Variants in GREB1 observed in about 807,000 individuals in gnomAD.
The protein encoded by GREB1 is growth regulating estrogen receptor binding 1.
Under a neutral mutation model 200.7 loss-of-function variants are expected in GREB1, and 106 were observed. The ratio of observed to expected loss-of-function variants is 0.53; its 90% CI spans 0.45 to 0.62. The LOEUF (loss-of-function observed/expected upper bound fraction) is 0.62, where lower values mean the gene tolerates loss of function less well. GREB1 is among the 20% of genes least tolerant of loss of function. GREB1 has a pLI of 0.00. For missense variants in GREB1, 2,243 were observed against 2,556.8 expected (o/e 0.88, Z 2.65); for synonymous variants, 1,132 against 1,092.4 (o/e 1.04, Z -0.72).
chr2:11,603,819 A>C (rs1043918309), intron 17 of GREB1, among the ~76,000 whole-genome samples: 1 of 152,256 alleles, frequency 6.6e-6, no homozygotes, highest in African/African-American at 2.4e-5. Context: ...AGTATGTTGT[A>C]GACACTGGGC....
chr2:11,637,405 G>T (rs1473698271), intron 30 of GREB1, among the ~76,000 whole-genome samples: 3 of 152,112 alleles, frequency 2.0e-5, no homozygotes, highest in African/African-American at 7.2e-5. Flanking sequence ...ACTCCCAGAG[G>T]CTTGCATCCC....
intron 1 of GREB1, among the ~76,000 whole-genome samples, chr2:11,541,403 G>A (rs1258883592): frequency 1.3e-5 from 2 of 152,004 alleles, no homozygotes; most frequent in Admixed American, 6.6e-5. Flanking sequence ...CTGTGCACAG[G>A]CGGGTTCTGT....
intron 4 of GREB1, among the ~76,000 whole-genome samples, chr2:11,571,663 G>T (rs1233445102): frequency 6.6e-6 from 1 of 152,134 alleles, no homozygotes; most frequent in East Asian, 1.9e-4. Context: ...TCCTAACAGG[G>T]ACCATTTCTT....
rs11891574 is a variant in GREB1, at chr2:11,618,996, G to A, written c.4044+77G>A. 1.7e-3 allele frequency: 2,266 copies of A among 1,307,094 alleles called. 28 individuals carry two copies. The African/African-American group carries it at 0.03, about 17-fold the overall frequency. The allele number at this position is 1,307,094 out of a possible 1,614,324, so 81.0% of individuals were successfully genotyped here. A position where few individuals can be genotyped will look rare whatever the true frequency, so the allele number is the denominator to read the frequency against. ...ACTCCCATCTGGAGGGCAGGCCTGG[G>A]GGTGACCGCACCCACGTCTTCACTT... On this transcript the variant is annotated intron_variant, in intron 22 of 32. Transcript: ENST00000381486.
At chr2:11,489,277 C>A (rs1350954197) in intron 1 of GREB1, among the ~76,000 whole-genome samples, 2 of 152,134 alleles carry the variant, frequency 1.3e-5, no homozygotes, top group Non-Finnish European at 2.9e-5. Context: ...GAAACCCCGT[C>A]TCTACTGAAA....
intron 1 of GREB1, among the ~76,000 whole-genome samples, chr2:11,510,741 A>G (rs4669741): frequency 0.92 from 137,269 of 149,112 alleles, 63,982 homozygotes; most frequent in South Asian, 1. Context: ...CCAGGCTGGA[A>G]TGCAGTGGTG....
Position 11,588,177 on chromosome 2 carries a change from C to T in GREB1, c.1160-569C>T, listed in dbSNP as rs1275500523. ...TTGGGAGGCAGAGGTTGTGGTGAGCCGAGATCACGCCACTGCACTCCAGCC... is the reference window on the plus strand; with the variant it reads ...TTGGGAGGCAGAGGTTGTGGTGAGCTGAGATCACGCCACTGCACTCCAGCC... On this transcript the variant is annotated intron_variant, in intron 9 of 32. Coordinates refer to ENST00000381486, the MANE Select transcript of GREB1 (RefSeq NM_014668.4). 17 of 569,388 alleles carry T rather than the reference C, an allele frequency of 3.0e-5. No individual in the cohort carries two copies. The South Asian group carries it at 8.5e-4, about 29-fold the overall frequency. The allele number at this position is 569,388 out of a possible 1,614,324, so 35.3% of individuals were successfully genotyped here.
chr2:11,569,483 G>A (rs1310509385), intron 4 of GREB1, among the ~76,000 whole-genome samples: 4 of 152,184 alleles, frequency 2.6e-5, no homozygotes, highest in African/African-American at 7.2e-5. Flanking sequence ...CTCCCAGTGA[G>A]GATGGGAATG....
intron 2 of GREB1, among the ~76,000 whole-genome samples, chr2:11,557,273 TA>T (rs1222147695): frequency 6.6e-6 from 1 of 152,256 alleles, no homozygotes; most frequent in Admixed American, 6.5e-5. Context: ...GATGACTTTT[TA>T]GAGTTTATTT....
chr2:11,630,385 C>T (rs1434537833), intron 26 of GREB1, among the ~76,000 whole-genome samples: 3 of 152,226 alleles, frequency 2.0e-5, no homozygotes, highest in Non-Finnish European at 4.4e-5. Flanking sequence ...CTTGCAAAAG[C>T]TTGTGGTGAG....
At chr2:11,552,024 C>T (rs573649929) in intron 1 of GREB1, among the ~76,000 whole-genome samples, 41 of 152,328 alleles carry the variant, frequency 2.7e-4, no homozygotes, top group African/African-American at 8.7e-4. Flanking sequence ...TCTTACTGTC[C>T]GTAACGAGCA....
chr2:11,514,730 C>T (rs1041685674), intron 1 of GREB1, among the ~76,000 whole-genome samples: 1 of 152,240 alleles, frequency 6.6e-6, no homozygotes, highest in African/African-American at 2.4e-5. Context: ...CCCCTCTGTG[C>T]TCAGTCCATT....
intron 20 of GREB1, 138 bp from the exon 21 acceptor site, chr2:11,616,493 G>C (rs925170469): frequency 1.4e-6 from 1 of 707,724 alleles, no homozygotes. Flanking sequence ...CATGGTGGGG[G>C]CCTGGAAGAT....
intron 9 of GREB1, 84 bp downstream of exon 9, chr2:11,585,989 C>T (rs1361704880): frequency 3.5e-5 from 48 of 1,390,602 alleles, no homozygotes; most frequent in South Asian, 2.2e-4. Context: ...GACCTCATCC[C>T]GGTCTGACTC....
chr2:11,543,400 T>C (rs1457747006), intron 1 of GREB1, among the ~76,000 whole-genome samples: 2 of 152,200 alleles, frequency 1.3e-5, no homozygotes, highest in African/African-American at 4.8e-5. Context: ...TATTAACATC[T>C]ATTTTATGCC....
chr2:11,542,628 C>CCGG (rs1553348523), intron 1 of GREB1: 3 of 129,762 alleles, frequency 2.3e-5, no homozygotes, highest in African/African-American at 9.4e-5. Context: ...AGTGCTGGGG[C>CCGG]GGGGGGAGGG....
intron 1 of GREB1, among the ~76,000 whole-genome samples, chr2:11,515,915 G>A (rs2148459939): frequency 6.6e-6 from 1 of 152,322 alleles, no homozygotes; most frequent in South Asian, 2.1e-4. Flanking sequence ...TCCTTAGGGA[G>A]GCAGATTTAG....
At chr2:11,608,606 G>C (rs1185725383) in intron 17 of GREB1, among the ~76,000 whole-genome samples, 1 of 152,180 alleles carries the variant, frequency 6.6e-6, no homozygotes, top group Non-Finnish European at 1.5e-5. Context: ...CAGGACCAGA[G>C]CAGTATTTAA....
intron 1 of GREB1, chr2:11,517,575 A>G (rs531865832): frequency 6.6e-6 from 1 of 152,026 alleles, no homozygotes; most frequent in Admixed American, 6.6e-5. Flanking sequence ...GGTCTTGGCT[A>G]TGAGGTGTGG....
Sources: allele counts gnomAD v4.1 joint callset (sites outside exome capture counted in the v4.1 genomes callset), GRCh38; gene constraint gnomAD v4.1.1; transcripts MANE v1.5; gene names NCBI Gene and HGNC (gene_info 2026-07-23, HGNC 2026-07-21).